Variants in CXADR observed in about 807,000 individuals in gnomAD.
CXADR encodes the protein coxsackievirus and adenovirus receptor.
A neutral mutation model predicts 40.3 loss-of-function variants in CXADR; 20 were observed. The ratio of observed to expected loss-of-function variants is 0.50; its 90% CI spans 0.35 to 0.72. The LOEUF (loss-of-function observed/expected upper bound fraction) is 0.72. CXADR is among the 30% of genes least tolerant of loss of function. The probability of loss-of-function intolerance (pLI) is 0.01; values close to 1 mark genes in which losing one functional copy is unlikely to be tolerated. For synonymous variants in CXADR, 150 were observed against 161.3 expected, an observed-to-expected ratio of 0.93 and a Z score of 0.53; for missense variants, 332 against 449.1, an observed-to-expected ratio of 0.74 and a Z score of 2.36.
chr21:17,557,002 G>T (rs142807742), intron 3 of CXADR, among the ~76,000 whole-genome samples: 1,613 of 152,218 alleles, frequency 0.011, 20 homozygotes, highest in South Asian at 0.022. Flanking sequence ...GAAAGCATAC[G>T]CCAGTGTTCA....
the CXADR span, among the ~76,000 whole-genome samples, chr21:17,624,576 G>A: frequency 1.3e-5 from 2 of 152,134 alleles, no homozygotes; most frequent in African/African-American, 4.8e-5. Context: ...GCCAGAAAAA[G>A]TTTTTTGCTT....
intron 1 of CXADR, among the ~76,000 whole-genome samples, chr21:17,532,379 C>T (rs557687589): frequency 6.6e-6 from 1 of 152,028 alleles, no homozygotes; most frequent in African/African-American, 2.4e-5. Context: ...CAAAAAGAAC[C>T]TTTCCTTGAC....
At chr21:17,578,906 A>G (rs1381413938) in intron 7 of CXADR, among the ~76,000 whole-genome samples, 1 of 152,180 alleles carries the variant, frequency 6.6e-6, no homozygotes, top group Non-Finnish European at 1.5e-5. Context: ...TTCAAATCAT[A>G]TCAGATGAAA....
the CXADR span, chr21:17,611,751 T>TCCACAAGGCTCCTCTGCTCGCGGCTG: frequency 6.6e-6 from 1 of 152,234 alleles, no homozygotes; most frequent in Non-Finnish European, 1.5e-5. Flanking sequence ...TCTACTTTGT[T>TCCACAAGGCTCCTCTGCTCGCGGCTG]CCACAAGGCT....
At chr21:17,619,008 G>A in the CXADR span, among the ~76,000 whole-genome samples, 3 of 149,970 alleles carry the variant, frequency 2.0e-5, no homozygotes, top group African/African-American at 5.1e-5. Flanking sequence ...TATTTTAAGA[G>A]GAATATTTTT....
intron 6 of CXADR, among the ~76,000 whole-genome samples, chr21:17,563,117 C>T (rs2061146909): frequency 6.6e-6 from 1 of 152,166 alleles, no homozygotes; most frequent in Non-Finnish European, 1.5e-5. Flanking sequence ...TACTAGCTTT[C>T]AACCAGTGTT....
At chr21:17,579,317 C>A (rs1357335898) in intron 7 of CXADR, among the ~76,000 whole-genome samples, 1 of 151,048 alleles carries the variant, frequency 6.6e-6, no homozygotes, top group African/African-American at 2.4e-5. Context: ...TGGAGTCTCA[C>A]CCTGTCACCC....
intron 7 of CXADR, among the ~76,000 whole-genome samples, chr21:17,578,779 G>A (rs531452166): frequency 5.3e-5 from 8 of 152,234 alleles, no homozygotes; most frequent in South Asian, 2.1e-4. Context: ...CCATGATAGC[G>A]CCACTGCACT....
chr21:17,580,197 A>G (rs1386104341), intron 7 of CXADR, among the ~76,000 whole-genome samples: 1 of 152,230 alleles, frequency 6.6e-6, no homozygotes, highest in Non-Finnish European at 1.5e-5. Flanking sequence ...TAATTTATTA[A>G]ACAGCCTCTG....
intron 4 of CXADR, among the ~76,000 whole-genome samples, chr21:17,560,375 G>C (rs2061099824): frequency 6.6e-6 from 1 of 152,194 alleles, no homozygotes; most frequent in Non-Finnish European, 1.5e-5. Flanking sequence ...CTGCAGGAAA[G>C]ATCCTTTGTG....
chr21:17,572,635 C>T (rs1028405057), downstream of CXADR, among the ~76,000 whole-genome samples: 9 of 152,128 alleles, frequency 5.9e-5, no homozygotes, highest in African/African-American at 9.7e-5. Context: ...AATTAACCAA[C>T]TTAGGGAGCC....
intron 7 of CXADR, among the ~76,000 whole-genome samples, chr21:17,586,258 A>G (rs1194540712): frequency 1.3e-5 from 2 of 151,858 alleles, no homozygotes; most frequent in Admixed American, 1.3e-4. Flanking sequence ...TTTTGTATAT[A>G]GTGACATTAA....
At chr21:17,577,612 C>CTTGTTTTTTTTTT (rs2061330808) in intron 7 of CXADR, among the ~76,000 whole-genome samples, 1 of 36,562 alleles carries the variant, frequency 2.7e-5, no homozygotes, top group Non-Finnish European at 5.3e-5. Flanking sequence ...ATTCTGCAAG[C>CTTGTTTTTTTTTT]TTTTTTTTTT....
chr21:17,515,781 G>A (rs1386963836), intron 1 of CXADR, among the ~76,000 whole-genome samples: 7 of 152,202 alleles, frequency 4.6e-5, no homozygotes, highest in Non-Finnish European at 1.0e-4. Context: ...ATTCCAGCCT[G>A]GGCGACAGAG....
Position 17,533,299 on chromosome 21 carries a change from A to T in CXADR, c.44-13728A>T, listed in dbSNP as rs563549030. 3.9e-5 allele frequency among the ~76,000 whole-genome samples: 6 copies of T among 152,320 alleles called. No individual in the cohort carries two copies. In the East Asian group the frequency reaches 1.2e-3, roughly 29 times the overall value. On this transcript the variant is annotated intron_variant, in intron 1 of 6. Transcript: ENST00000284878. Reference sequence around the variant, plus strand: ...AAAGTTTCACCCAAACCCCTGAACCATGTGCCACCTAAAATGCTACTAGAA... The same window carrying T: ...AAAGTTTCACCCAAACCCCTGAACCTTGTGCCACCTAAAATGCTACTAGAA...
At chr21:17,563,940 C>CAAAAAAAAAAAAAAAAAAA (rs35020228) in intron 6 of CXADR, among the ~76,000 whole-genome samples, 1,736 of 37,162 alleles carry the variant, frequency 0.047, 345 homozygotes, top group Non-Finnish European at 0.08. Context: ...GACTCTGTCT[C>CAAAAAAAAAAAAAAAAAAA]AAAAAAAAAA....
At chr21:17,635,684 TA>T in the CXADR span, among the ~76,000 whole-genome samples, 3 of 152,198 alleles carry the variant, frequency 2.0e-5, no homozygotes, top group South Asian at 2.1e-4. Context: ...AATTACTTCC[TA>T]AAAAAATACT....
intron 7 of CXADR, among the ~76,000 whole-genome samples, chr21:17,589,674 A>G (rs889128639): frequency 1.3e-5 from 2 of 151,962 alleles, no homozygotes; most frequent in African/African-American, 4.8e-5. Flanking sequence ...TAAACTGTTC[A>G]TCTATTGGTG....
At chr21:17,516,330 T>C (rs2060461898) in intron 1 of CXADR, among the ~76,000 whole-genome samples, 2 of 152,200 alleles carry the variant, frequency 1.3e-5, no homozygotes, top group South Asian at 4.1e-4. Context: ...CTACCACTGG[T>C]CATCTGTCAT....
Sources: gnomAD v4.1 joint callset for allele counts (sites outside exome capture counted in the v4.1 genomes callset) on GRCh38, gnomAD v4.1.1 for gene constraint, MANE v1.5 for transcripts, NCBI Gene and HGNC (gene_info 2026-07-23, HGNC 2026-07-21) for gene names.